Variants in SORCS1 observed in about 807,000 individuals in gnomAD.
SORCS1 encodes the protein sortilin related VPS10 domain containing receptor 1.
A neutral mutation model predicts 146.1 loss-of-function variants in SORCS1; 60 were observed. The ratio of observed to expected loss-of-function variants is 0.41; its 90% CI spans 0.33 to 0.51. The LOEUF is 0.51. SORCS1 is among the 20% of genes least tolerant of loss of function. SORCS1 has a pLI of 0.21. For synonymous variants in SORCS1, 637 were observed against 584.0 expected (o/e 1.09, Z -1.31); for missense variants, 1,352 against 1,487.6 (o/e 0.91, Z 1.50).
At chr10:106,805,739 T>C (rs1034460346) in intron 3 of SORCS1, among the ~76,000 whole-genome samples, 11 of 151,860 alleles carry the variant, frequency 7.2e-5, no homozygotes, top group African/African-American at 2.7e-4. Context: ...TACATATAAA[T>C]CATAATGATG....
At chr10:107,135,752 AC>A (rs1436791529) in intron 1 of SORCS1, among the ~76,000 whole-genome samples, 8 of 152,350 alleles carry the variant, frequency 5.3e-5, no homozygotes, top group African/African-American at 1.7e-4. Context: ...TATATTAAAT[AC>A]CCAGTAAAGT....
At chr10:107,027,091 C>CAT (rs148866843) in intron 1 of SORCS1, among the ~76,000 whole-genome samples, 11,175 of 145,252 alleles carry the variant, frequency 0.077, 1,386 homozygotes, top group African/African-American at 0.26. Context: ...CATATATATA[C>CAT]ATATATATAT....
chr10:106,656,814 C>T (rs1252031), intron 17 of SORCS1, among the ~76,000 whole-genome samples: 28,569 of 151,912 alleles, frequency 0.19, 3,598 homozygotes, highest in Non-Finnish European at 0.29. Flanking sequence ...AGATGGATAC[C>T]CAGGCTCTGC....
chr10:107,028,156 G>T (rs1958489926), intron 1 of SORCS1, among the ~76,000 whole-genome samples: 1 of 152,310 alleles, frequency 6.6e-6, no homozygotes, highest in Non-Finnish European at 1.5e-5. Flanking sequence ...CTTCTGCCAG[G>T]TAAATCAGTG....
At chr10:106,612,182 C>G (rs1847038465) in intron 21 of SORCS1, among the ~76,000 whole-genome samples, 159 bp from the exon 22 acceptor site, 1 of 152,138 alleles carries the variant, frequency 6.6e-6, no homozygotes, top group African/African-American at 2.4e-5. Flanking sequence ...ATCTCACCAG[C>G]CCCTTCTTTT....
At chr10:106,994,480 G>A (rs1159346640) in intron 1 of SORCS1, among the ~76,000 whole-genome samples, 7 of 152,118 alleles carry the variant, frequency 4.6e-5, no homozygotes, top group Non-Finnish European at 1.0e-4. Context: ...CACAAATATA[G>A]CAATTGACCC....
rs183438844 is a variant in SORCS1 at position 106,778,702 on chromosome 10, C to T, written c.727-2010G>A. On this transcript the variant is annotated intron_variant, in intron 3 of 25. Transcript: ENST00000263054. The stretch of plus-strand genomic sequence containing the variant: ...TAAAACAACCTTTTTGCACTACTGC[C>T]GAAAAGTCATTTCCATGATAATATG... 1.4e-4 allele frequency among the ~76,000 whole-genome samples: 21 copies of T among 152,170 alleles called. No homozygotes were observed. The South Asian group carries it at 1.7e-3, about 12-fold the overall frequency.
At chr10:107,046,273 T>C (rs866279427) in intron 1 of SORCS1, among the ~76,000 whole-genome samples, 11 of 152,028 alleles carry the variant, frequency 7.2e-5, no homozygotes, top group South Asian at 2.1e-4. Flanking sequence ...TTTTTGTCTA[T>C]TTTGTTCAGG....
At chr10:106,883,629 G>A (rs536947704) in intron 2 of SORCS1, among the ~76,000 whole-genome samples, 1 of 152,252 alleles carries the variant, frequency 6.6e-6, no homozygotes, top group East Asian at 1.9e-4. Context: ...TAGCCAGGAT[G>A]GTCTCGATCT....
rs113383445 is a variant in SORCS1 at position 107,150,398 on chromosome 10, C to T, written c.558+13571G>A. On this transcript the variant is annotated intron_variant, in intron 1 of 25. Transcript: ENST00000263054. ...TAATGCATAAATACTACATGAACCC[C>T]TTCCACTCCACACCCATCTGATGAA... 4.0e-3 allele frequency among the ~76,000 whole-genome samples: 611 copies of T among 152,326 alleles called. 5 individuals carry two copies. The highest frequency in any genetic ancestry group is 8.5e-3 in the South Asian group (41 of 4,826).
intron 3 of SORCS1, among the ~76,000 whole-genome samples, chr10:106,777,948 A>G (rs1342255881): frequency 1.3e-5 from 2 of 152,200 alleles, no homozygotes; most frequent in Non-Finnish European, 2.9e-5. Flanking sequence ...ACTGCAGCCC[A>G]AGGATTAAAG....
intron 17 of SORCS1, among the ~76,000 whole-genome samples, chr10:106,654,758 T>C (rs1026733025): frequency 6.6e-6 from 1 of 152,234 alleles, no homozygotes; most frequent in African/African-American, 2.4e-5. Context: ...ACCTAGCCTA[T>C]GAGGGGGTCA....
At chr10:106,798,483 T>C (rs556430579) in intron 3 of SORCS1, among the ~76,000 whole-genome samples, 1 of 142,210 alleles carries the variant, frequency 7.0e-6, no homozygotes, top group South Asian at 2.5e-4. Context: ...TTCCCCTTCC[T>C]GTGTCCAAGT....
rs952747843 is a variant in SORCS1 at position 106,844,924 on chromosome 10, T to C, written c.627-15251A>G. Among the ~76,000 whole-genome samples the C allele has an allele frequency of 9.8e-3, 1,466 of 150,226 alleles. 25 individuals are homozygous for C. The highest frequency in any genetic ancestry group is 0.034 in the African/African-American group (1,395 of 40,852). ...AAGGACATGAACTCATCATTTTTTA[T>C]GGCTGCATAGTATTCCATGGTGTAT... On this transcript the variant is annotated intron_variant, in intron 2 of 25. Transcript: ENST00000263054.
At chr10:106,600,453 T>A in intron 23 of SORCS1, 1 of 982,740 alleles carries the variant, frequency 1.0e-6, no homozygotes, top group South Asian at 4.7e-5. Flanking sequence ...CATATAAGAA[T>A]AATCTCAATT....
intron 1 of SORCS1, among the ~76,000 whole-genome samples, chr10:107,077,900 A>C (rs1590082391): frequency 6.6e-6 from 1 of 152,312 alleles, no homozygotes. Flanking sequence ...ATGCTTAGAA[A>C]GAGAATTAGG....
At chr10:106,862,547 C>T (rs74152249) in intron 2 of SORCS1, among the ~76,000 whole-genome samples, 4,917 of 151,970 alleles carry the variant, frequency 0.032, 243 homozygotes, top group African/African-American at 0.11. Flanking sequence ...ATTAAAACAC[C>T]TGTTCTCCAT....
At chr10:107,118,895 T>A (rs948835846) in intron 1 of SORCS1, among the ~76,000 whole-genome samples, 5 of 152,162 alleles carry the variant, frequency 3.3e-5, no homozygotes, top group African/African-American at 1.2e-4. Context: ...TAATGTGAGG[T>A]CCTCCACAGC....
At chr10:106,597,823 T>C (rs770544603) in intron 23 of SORCS1, among the ~76,000 whole-genome samples, 46 of 152,348 alleles carry the variant, frequency 3.0e-4, no homozygotes, top group Non-Finnish European at 4.9e-4. Flanking sequence ...TTAATATATA[T>C]TCATTTTACT....
Sources: gnomAD v4.1 joint callset for allele counts (sites outside exome capture counted in the v4.1 genomes callset) on GRCh38, gnomAD v4.1.1 for gene constraint, MANE v1.5 for transcripts, NCBI Gene and HGNC (gene_info 2026-07-23, HGNC 2026-07-21) for gene names.